Variants in NCOA7 observed in about 807,000 individuals in gnomAD.
The protein encoded by NCOA7 is nuclear receptor coactivator 7.
Under a neutral mutation model 104.3 loss-of-function variants are expected in NCOA7, and 45 were observed. That is an observed-to-expected ratio of 0.43 (90% CI 0.34 to 0.55). The LOEUF is 0.55. Ranked by LOEUF, NCOA7 falls within the 20% of genes least tolerant of loss-of-function variation. The pLI, the probability that NCOA7 is intolerant of heterozygous loss-of-function variation, is 0.02. For synonymous variants in NCOA7, 398 were observed against 402.3 expected, an observed-to-expected ratio of 0.99 and a Z score of 0.13; for missense variants, 1,041 against 1,119.7, an observed-to-expected ratio of 0.93 and a Z score of 1.00.
At chr6:125,893,422 C>G (rs1053228362) in intron 10 of NCOA7, among the ~76,000 whole-genome samples, 3 of 152,176 alleles carry the variant, frequency 2.0e-5, no homozygotes, top group Non-Finnish European at 4.4e-5. Context: ...TTTCACTGTT[C>G]TCTCTATTGT....
At chr6:125,894,995 T>G (rs1379523129) in intron 10 of NCOA7, among the ~76,000 whole-genome samples, 1 of 152,176 alleles carries the variant, frequency 6.6e-6, no homozygotes, top group Non-Finnish European at 1.5e-5. Context: ...TTTGTAGAGA[T>G]ATAATATTCC....
At chr6:125,928,336 G>A (rs1220081352) in intron 15 of NCOA7, 89 bp downstream of exon 15, 2 of 1,194,660 alleles carry the variant, frequency 1.7e-6, no homozygotes, top group East Asian at 2.3e-5. Flanking sequence ...TAAAACTTCG[G>A]TGTCAGGTTA....
chr6:125,846,223 G>A (rs529546885), intron 2 of NCOA7, among the ~76,000 whole-genome samples: 6 of 152,078 alleles, frequency 3.9e-5, no homozygotes, highest in Non-Finnish European at 7.4e-5. Context: ...GCTTCTGACT[G>A]TCTTGGCTTC....
intron 13 of NCOA7, among the ~76,000 whole-genome samples, chr6:125,924,045 A>G (rs1275422420): frequency 1.3e-5 from 2 of 152,202 alleles, no homozygotes; most frequent in Non-Finnish European, 2.9e-5. Flanking sequence ...TCCAAGCTGA[A>G]AGGTGGGTAG....
chr6:125,871,427 T>C (rs1173360672), intron 3 of NCOA7, among the ~76,000 whole-genome samples: 1 of 152,234 alleles, frequency 6.6e-6, no homozygotes, highest in Admixed American at 6.5e-5. Context: ...ACTTCACTCA[T>C]TGAGACACAT....
At position 125,889,300 on chromosome 6, in the gene NCOA7, T is replaced by A; in HGVS notation, c.1246T>A (p.Phe416Ile). ...AAACTTTCTAGGGGAAGATGATGAT[T>A]TTGTTGACTTGGAAGAACTTTCTTC... Reference protein sequence around the residue: ...KENFLGEDDDFVDLEELSSQT... With the variant: ...KENFLGEDDDIVDLEELSSQT... Residue 416 changes from phenylalanine (F) to isoleucine (I), a missense_variant, in exon 9 of 16, where the codon TTT (phenylalanine) becomes ATT (isoleucine). Coordinates refer to ENST00000392477, the MANE Select transcript of NCOA7 (RefSeq NM_181782.5). 6.2e-7 allele frequency: 1 copy of A among 1,614,166 alleles called. No homozygotes were observed. Among genetic ancestry groups the A allele is most frequent in the Non-Finnish European group, 8.5e-7 (1 of 1,180,008 alleles).
At chr6:125,806,518 A>G (rs143361115) in intron 1 of NCOA7, among the ~76,000 whole-genome samples, 1 of 152,278 alleles carries the variant, frequency 6.6e-6, no homozygotes, top group African/African-American at 2.4e-5. Flanking sequence ...CTAATTTAAA[A>G]TACTAGTTTA....
At chr6:125,840,981 C>T (rs1482755881) in intron 2 of NCOA7, among the ~76,000 whole-genome samples, 1 of 141,588 alleles carries the variant, frequency 7.1e-6, no homozygotes, top group Non-Finnish European at 1.5e-5. Flanking sequence ...CAACCTCTGC[C>T]ACCCAGGTTC....
chr6:125,856,912 C>G (rs1781608886), intron 3 of NCOA7, among the ~76,000 whole-genome samples: 1 of 152,124 alleles, frequency 6.6e-6, no homozygotes, highest in Admixed American at 6.5e-5. Flanking sequence ...AGTGTTTGAA[C>G]AGTATTCCAA....
At chr6:125,859,414 TGTAAAAC>T (rs1481104637) in intron 3 of NCOA7, among the ~76,000 whole-genome samples, 3 of 152,172 alleles carry the variant, frequency 2.0e-5, no homozygotes, top group African/African-American at 4.8e-5. Context: ...AATCTGCATG[TGTAAAAC>T]AAAAGTAATC....
upstream of NCOA7, among the ~76,000 whole-genome samples, chr6:125,788,746 G>T (rs939979781): frequency 7.6e-6 from 1 of 131,356 alleles, no homozygotes; most frequent in African/African-American, 2.9e-5. Flanking sequence ...GTTTCACCAT[G>T]TTGGCCAGGA....
chr6:125,845,204 A>G (rs1489213761), intron 2 of NCOA7, among the ~76,000 whole-genome samples: 1 of 152,190 alleles, frequency 6.6e-6, no homozygotes, highest in Non-Finnish European at 1.5e-5. Context: ...ACAAGGCTGC[A>G]GCCAGAACAG....
At chr6:125,895,535 G>A (rs1217314338) in intron 10 of NCOA7, among the ~76,000 whole-genome samples, 1 of 152,110 alleles carries the variant, frequency 6.6e-6, no homozygotes, top group Non-Finnish European at 1.5e-5. Flanking sequence ...ATCATGTGCT[G>A]CGTTAGGCCA....
At chr6:125,869,842 C>G (rs1282528944) in intron 3 of NCOA7, among the ~76,000 whole-genome samples, 4 of 152,222 alleles carry the variant, frequency 2.6e-5, no homozygotes, top group Admixed American at 1.3e-4. Flanking sequence ...CCCCTACTCT[C>G]CCTCCAGAAG....
intron 2 of NCOA7, among the ~76,000 whole-genome samples, chr6:125,838,178 T>C (rs574855254): frequency 1.6e-4 from 25 of 152,106 alleles, no homozygotes; most frequent in Non-Finnish European, 2.9e-4. Flanking sequence ...CCATGAAGTG[T>C]TTACCCAAGC....
chr6:125,825,053 A>T (rs1778548072), intron 2 of NCOA7, among the ~76,000 whole-genome samples: 1 of 151,956 alleles, frequency 6.6e-6, no homozygotes, highest in African/African-American at 2.4e-5. Flanking sequence ...ATTATAATTG[A>T]TCAGCCAGAC....
intron 11 of NCOA7, among the ~76,000 whole-genome samples, chr6:125,919,601 T>C (rs1479140407): frequency 1.3e-5 from 2 of 152,234 alleles, no homozygotes; most frequent in Admixed American, 6.5e-5. Context: ...CCTCTTCTCA[T>C]TGGAGCCAGA....
intron 2 of NCOA7, among the ~76,000 whole-genome samples, chr6:125,843,140 T>C (rs1780311616): frequency 6.6e-6 from 1 of 152,204 alleles, no homozygotes; most frequent in African/African-American, 2.4e-5. Context: ...GGCCTTGATA[T>C]AGGGACATTA....
chr6:125,784,747 A>G (rs1774379746), intron 1 of NCOA7, among the ~76,000 whole-genome samples: 1 of 152,210 alleles, frequency 6.6e-6, no homozygotes, highest in African/African-American at 2.4e-5. Context: ...ACTTGGATAG[A>G]TCTCAAGGGA....
Sources: gnomAD v4.1 joint callset for allele counts (sites outside exome capture counted in the v4.1 genomes callset) on GRCh38, gnomAD v4.1.1 for gene constraint, MANE v1.5 for transcripts, NCBI Gene and HGNC (gene_info 2026-07-23, HGNC 2026-07-21) for gene names.